Variants in LUZP2 observed in about 807,000 individuals in gnomAD.
LUZP2 encodes the protein leucine zipper protein 2.
In LUZP2, 52 loss-of-function variants were observed where a neutral mutation model predicts 51.6. The ratio of observed to expected loss-of-function variants is 1.01; its 90% CI spans 0.81 to 1.27. The LOEUF (loss-of-function observed/expected upper bound fraction) is 1.27. Ranked by LOEUF, LUZP2 falls within the 50% of genes most tolerant of loss-of-function variation. The pLI is 0.00. For synonymous variants in LUZP2, 154 were observed against 137.3 expected, an observed-to-expected ratio of 1.12 and a Z score of -0.85; for missense variants, 436 against 395.4, an observed-to-expected ratio of 1.10 and a Z score of -0.87.
chr11:24,702,085 C>T (rs969883239), intron 1 of LUZP2, among the ~76,000 whole-genome samples: 4 of 152,092 alleles, frequency 2.6e-5, no homozygotes, highest in African/African-American at 7.2e-5. Context: ...TGTTAACGTG[C>T]TGTGAAATAC....
At chr11:24,719,126 G>A (rs1590395103) in intron 1 of LUZP2, among the ~76,000 whole-genome samples, 1 of 152,284 alleles carries the variant, frequency 6.6e-6, no homozygotes, top group African/African-American at 2.4e-5. Context: ...TGAACTGTAA[G>A]TTGATCCAGT....
At chr11:24,797,838 G>C (rs1396557862) in intron 5 of LUZP2, among the ~76,000 whole-genome samples, 1 of 152,124 alleles carries the variant, frequency 6.6e-6, no homozygotes, top group African/African-American at 2.4e-5. Flanking sequence ...GCTAATGTGG[G>C]TTATGGACAA....
chr11:24,530,946 G>A (rs1002455775), intron 1 of LUZP2, among the ~76,000 whole-genome samples: 2 of 148,300 alleles, frequency 1.3e-5, no homozygotes, highest in African/African-American at 4.9e-5. Flanking sequence ...CCAATTACAT[G>A]GCTCCCTATA....
intron 7 of LUZP2, among the ~76,000 whole-genome samples, chr11:24,941,508 C>G (rs1187566247): frequency 6.6e-6 from 1 of 152,070 alleles, no homozygotes; most frequent in Non-Finnish European, 1.5e-5. Flanking sequence ...TTCAGCGTGT[C>G]CAACACTGTT....
At chr11:25,006,814 G>T (rs562172516) in intron 9 of LUZP2, among the ~76,000 whole-genome samples, 1 of 152,238 alleles carries the variant, frequency 6.6e-6, no homozygotes, top group Non-Finnish European at 1.5e-5. Flanking sequence ...AGCTCATAAA[G>T]GTAGTGCAGA....
chr11:24,541,120 G>C (rs910328079), intron 1 of LUZP2, among the ~76,000 whole-genome samples: 2 of 151,940 alleles, frequency 1.3e-5, no homozygotes, highest in African/African-American at 4.8e-5. Flanking sequence ...GGGCGTGGTG[G>C]TGGGCGCCTG....
chr11:24,945,525 T>A lies in LUZP2; in HGVS notation c.522+30987T>A, dbSNP rs531254261. On this transcript the variant is annotated intron_variant, in intron 7 of 11. Coordinates refer to ENST00000336930, the MANE Select transcript of LUZP2 (RefSeq NM_001009909.4). The stretch of plus-strand genomic sequence containing the variant: ...AAATTTCAAATTTGCCTGTTTTTTT[T>A]TTTTTTTCCAGTCCTACCTTTATCT... 1.9e-4 allele frequency among the ~76,000 whole-genome samples: 29 copies of A among 152,130 alleles called. No homozygotes were observed. In the South Asian group the frequency reaches 6.0e-3, roughly 32 times the overall value.
At chr11:24,560,705 T>C (rs1852012324) in intron 1 of LUZP2, among the ~76,000 whole-genome samples, 1 of 152,158 alleles carries the variant, frequency 6.6e-6, no homozygotes, top group Non-Finnish European at 1.5e-5. Context: ...TTAAAAGCTC[T>C]CCTATGCGCT....
intron 10 of LUZP2, among the ~76,000 whole-genome samples, chr11:25,076,632 AAGGGAAAAAGAGGGAAGGAAGGGAGGG>A (rs1266795208): frequency 2.9e-5 from 4 of 136,338 alleles, no homozygotes; most frequent in African/African-American, 8.2e-5. Flanking sequence ...GGAAGGGAGG[AAGGGAAAAAGAGGGAAGGAAGGGAGGG>A]AGGGAAGGAG....
chr11:24,806,705 G>A (rs79036507), intron 5 of LUZP2, among the ~76,000 whole-genome samples: 3,907 of 152,130 alleles, frequency 0.026, 147 homozygotes, highest in African/African-American at 0.086. Context: ...AAGTTCTCCT[G>A]TTATTTCTAT....
intron 9 of LUZP2, among the ~76,000 whole-genome samples, chr11:25,009,597 T>G (rs1856928714): frequency 6.6e-6 from 1 of 152,160 alleles, no homozygotes; most frequent in Non-Finnish European, 1.5e-5. Flanking sequence ...ACCATGTCAT[T>G]ATAACTCACT....
At chr11:24,650,045 C>T (rs983663458) in intron 1 of LUZP2, among the ~76,000 whole-genome samples, 1 of 150,864 alleles carries the variant, frequency 6.6e-6, no homozygotes, top group African/African-American at 2.4e-5. Context: ...TGCTGATCAT[C>T]CTATATCTGT....
At chr11:24,665,984 TTTA>T (rs1183353652) in intron 1 of LUZP2, among the ~76,000 whole-genome samples, 1 of 152,188 alleles carries the variant, frequency 6.6e-6, no homozygotes, top group East Asian at 1.9e-4. Flanking sequence ...TCAAGTTATT[TTTA>T]GACAGATCTC....
intron 5 of LUZP2, among the ~76,000 whole-genome samples, chr11:24,826,348 G>A (rs1467100321): frequency 6.8e-6 from 1 of 147,558 alleles, no homozygotes; most frequent in Non-Finnish European, 1.5e-5. Flanking sequence ...TGAGACTCAG[G>A]GGTGGTTTAA....
chr11:24,790,352 A>T (rs1455066248), intron 5 of LUZP2, among the ~76,000 whole-genome samples: 1 of 152,154 alleles, frequency 6.6e-6, no homozygotes, highest in Non-Finnish European at 1.5e-5. Flanking sequence ...CCTAGTTTTC[A>T]TGTTAAATTA....
intron 3 of LUZP2, among the ~76,000 whole-genome samples, chr11:24,735,182 A>G (rs1300039597): frequency 6.6e-6 from 1 of 152,046 alleles, no homozygotes; most frequent in African/African-American, 2.4e-5. Context: ...AAACAGAGAA[A>G]GGAGTGTGTT....
intron 4 of LUZP2, among the ~76,000 whole-genome samples, chr11:24,752,695 A>AC (rs11393528): frequency 0.79 from 119,192 of 151,764 alleles, 46,962 homozygotes; most frequent in East Asian, 0.89. Flanking sequence ...ATTGAAACTC[A>AC]ATGCAGAAAA....
At chr11:25,024,457 T>G (rs1276468658) in intron 9 of LUZP2, among the ~76,000 whole-genome samples, 3 of 152,104 alleles carry the variant, frequency 2.0e-5, no homozygotes, top group African/African-American at 7.2e-5. Context: ...AGTCTCAGGA[T>G]ACAAAATCAA....
chr11:24,938,790 T>A (rs554593911), intron 7 of LUZP2, among the ~76,000 whole-genome samples: 9 of 152,324 alleles, frequency 5.9e-5, no homozygotes, highest in African/African-American at 2.2e-4. Flanking sequence ...GTCTTAGGGG[T>A]TGCCCATTCA....
Sources: gnomAD v4.1 joint callset for allele counts (sites outside exome capture counted in the v4.1 genomes callset) on GRCh38, gnomAD v4.1.1 for gene constraint, MANE v1.5 for transcripts, NCBI Gene and HGNC (gene_info 2026-07-23, HGNC 2026-07-21) for gene names.